MTF2: variants seen among roughly 807,000 people sequenced by gnomAD.
MTF2 encodes the protein metal response element binding transcription factor 2.
Under a neutral mutation model 79.5 loss-of-function variants are expected in MTF2, and 11 were observed. The observed-to-expected ratio is 0.14, with a 90% CI of 0.09 to 0.23. The LOEUF is 0.23. Among genes scored for constraint, MTF2 ranks in the 10% least tolerant of loss-of-function variants. MTF2 has a pLI of 1.00. For synonymous variants in MTF2, 208 were observed against 232.8 expected (o/e 0.89, Z 0.97); for missense variants, 486 against 711.2 (o/e 0.68, Z 3.60).
intron 1 of MTF2, among the ~76,000 whole-genome samples, chr1:93,100,817 G>A (rs1346676466): frequency 6.6e-6 from 1 of 152,184 alleles, no homozygotes; most frequent in Admixed American, 6.5e-5. Flanking sequence ...TTAATGCAGT[G>A]CCAAGCTTAA....
At chr1:93,122,330 T>C (rs1311087161) in intron 9 of MTF2, among the ~76,000 whole-genome samples, 2 of 152,194 alleles carry the variant, frequency 1.3e-5, no homozygotes, top group Non-Finnish European at 2.9e-5. Context: ...AGTAACTTGA[T>C]GTAGACATTG....
chr1:93,107,941 C>T (rs571133479), intron 1 of MTF2, among the ~76,000 whole-genome samples: 6 of 151,966 alleles, frequency 3.9e-5, no homozygotes, highest in South Asian at 2.1e-4. Flanking sequence ...CCACAATGCC[C>T]GGCTAATTTT....
chr1:93,129,629 T>A (rs1656839871), intron 11 of MTF2, among the ~76,000 whole-genome samples, 181 bp downstream of exon 11: 1 of 151,786 alleles, frequency 6.6e-6, no homozygotes, highest in African/African-American at 2.4e-5. Context: ...TGCCAGATGC[T>A]TGTTTATTTA....
chr1:93,121,179 A>G, intron 9 of MTF2: 1 of 984,296 alleles, frequency 1.0e-6, no homozygotes, highest in Non-Finnish European at 1.2e-6. Flanking sequence ...TCTCATTCTG[A>G]CATCTCATTT....
intron 1 of MTF2, among the ~76,000 whole-genome samples, chr1:93,096,839 C>G (rs1171258400): frequency 8.1e-6 from 1 of 123,268 alleles, no homozygotes; most frequent in African/African-American, 3.3e-5. Flanking sequence ...GAGACAGGGT[C>G]TAGTTCAGCT....
In MTF2 at chr1:93,134,100, G is replaced by A. The variant is rs1391744968; in HGVS notation, c.1329G>A (p.Glu443=). The A allele has an allele frequency of 6.2e-7, 1 of 1,610,352 alleles. No individual in the cohort carries two copies. Among genetic ancestry groups the A allele is most frequent in the Admixed American group, 1.7e-5 (1 of 59,460 alleles). ...AATTCTTTTGTCTCAGGAGAACTGA[G>A]GGAACTGCACATTCATCCAATACCT... ...LDLPCSIGRT[E]GTAHSSNTSD... Residue 443 remains glutamate (E), a synonymous_variant, in exon 14 of 15, where the codon GAG becomes GAA. Coordinates refer to ENST00000370298, the MANE Select transcript of MTF2 (RefSeq NM_007358.4).
intron 11 of MTF2, among the ~76,000 whole-genome samples, chr1:93,132,197 A>G (rs746716165): frequency 1.4e-4 from 21 of 152,248 alleles, no homozygotes; most frequent in Non-Finnish European, 2.6e-4. Flanking sequence ...AAATGTCATT[A>G]CAAAGCCTTG....
chr1:93,102,091 CAG>C (rs1655570463), intron 1 of MTF2, among the ~76,000 whole-genome samples: 1 of 152,126 alleles, frequency 6.6e-6, no homozygotes, highest in African/African-American at 2.4e-5. Context: ...AGCTACTGAC[CAG>C]AGTCAACTGA....
At chr1:93,118,985 T>C (rs1656361578) in intron 7 of MTF2, among the ~76,000 whole-genome samples, 1 of 152,234 alleles carries the variant, frequency 6.6e-6, no homozygotes, top group Admixed American at 6.5e-5. Context: ...TATTATGTTA[T>C]TTTGAGCGTT....
rs569111511 is a variant in MTF2, at chr1:93,129,558, A to C, written c.1160+110A>C. Reference sequence around the variant, plus strand: ...GAAAGTACAAGTGGCAGTTACTCTGATTTTTTTTTTTTTTTTTTTTGGTCT... The same window carrying C: ...GAAAGTACAAGTGGCAGTTACTCTGCTTTTTTTTTTTTTTTTTTTTGGTCT... On this transcript the variant is annotated intron_variant, in intron 11 of 14. Coordinates refer to ENST00000370298, the MANE Select transcript of MTF2 (RefSeq NM_007358.4). The C allele has an allele frequency of 8.9e-6, 4 of 448,072 alleles. No homozygotes were observed. In the East Asian group the frequency reaches 1.2e-4, roughly 14 times the overall value. 27.8% of individuals were successfully genotyped at this position (448,072 alleles called of 1,614,324 possible). A position where few individuals can be genotyped will look rare whatever the true frequency, so the allele number is the denominator to read the frequency against.
chr1:93,092,593 T>C (rs928467214), intron 1 of MTF2, among the ~76,000 whole-genome samples: 1 of 152,124 alleles, frequency 6.6e-6, no homozygotes, highest in African/African-American at 2.4e-5. Context: ...ATTTTATATA[T>C]TTTTTATAAT....
chr1:93,104,739 T>TA (rs1245777363), intron 1 of MTF2, among the ~76,000 whole-genome samples: 1 of 150,758 alleles, frequency 6.6e-6, no homozygotes, highest in East Asian at 2.0e-4. Flanking sequence ...ATTGGTTAGA[T>TA]AAAAAAATTA....
At position 93,103,990 on chromosome 1, in the gene MTF2, G is replaced by A. The variant is rs141401977; in HGVS notation, c.6-6240G>A. On this transcript the variant is annotated intron_variant, in intron 1 of 14. Coordinates refer to ENST00000370298, the MANE Select transcript of MTF2 (RefSeq NM_007358.4). Reference sequence around the variant, plus strand: ...TTTGTTACAGGTTGTCTAGGCTGGAGTGCAGTGGTGAAGTCATGGCTCACT... The same window carrying A: ...TTTGTTACAGGTTGTCTAGGCTGGAATGCAGTGGTGAAGTCATGGCTCACT... 3.8e-3 allele frequency among the ~76,000 whole-genome samples: 583 copies of A among 152,222 alleles called. 3 individuals carry two copies. The highest frequency in any genetic ancestry group is 6.7e-3 in the Non-Finnish European group (458 of 68,032).
At chr1:93,098,898 T>G (rs1655410889) in intron 1 of MTF2, among the ~76,000 whole-genome samples, 2 of 152,206 alleles carry the variant, frequency 1.3e-5, no homozygotes, top group African/African-American at 4.8e-5. Flanking sequence ...CTAGGGTATC[T>G]GCTGATTCTG....
intron 3 of MTF2, among the ~76,000 whole-genome samples, chr1:93,111,120 A>G (rs1030910674): frequency 6.6e-6 from 1 of 152,196 alleles, no homozygotes; most frequent in African/African-American, 2.4e-5. Context: ...TGTGCCAATA[A>G]AAATGAATGA....
chr1:93,086,331 C>T (rs559370070), intron 1 of MTF2, among the ~76,000 whole-genome samples: 2 of 152,112 alleles, frequency 1.3e-5, no homozygotes, highest in African/African-American at 4.8e-5. Context: ...TAGTGAAACC[C>T]TGTCTCTACT....
At chr1:93,079,664 C>T in intron 1 of MTF2, 133 bp downstream of exon 1, 1 of 1,164,568 alleles carries the variant, frequency 8.6e-7, no homozygotes, top group Non-Finnish European at 1.3e-6. Flanking sequence ...TATGTGGGTG[C>T]CTTTGCATTT....
Position 93,118,381 on chromosome 1 carries a change from G to A in MTF2, c.669G>A (p.Lys223=), listed in dbSNP as rs1465818356. 2 of 1,602,548 alleles carry A rather than the reference G, an allele frequency of 1.2e-6. No homozygotes were observed. Among genetic ancestry groups the A allele is most frequent in the Non-Finnish European group, 1.7e-6 (2 of 1,174,128 alleles). ...YLKMLQCCKC[K]QWFHEACVQC... is the part of the protein sequence containing the mutation. ...AGATGCTACAGTGCTGCAAATGTAA[G>A]CAGTGGTTTCATGAGGCTTGTGTGC... The change falls in exon 7 of 15, where the codon AAG becomes AAA. Residue 223 remains lysine (K), a synonymous_variant. Coordinates refer to ENST00000370298, the MANE Select transcript of MTF2 (RefSeq NM_007358.4).
chr1:93,096,547 G>C (rs747188298), intron 1 of MTF2, among the ~76,000 whole-genome samples: 1 of 150,736 alleles, frequency 6.6e-6, no homozygotes, highest in South Asian at 2.1e-4. Context: ...GTTAATTTCT[G>C]TTCTTTTATT....
Sources: gnomAD v4.1 joint callset for allele counts (sites outside exome capture counted in the v4.1 genomes callset) on GRCh38, gnomAD v4.1.1 for gene constraint, MANE v1.5 for transcripts, NCBI Gene and HGNC (gene_info 2026-07-23, HGNC 2026-07-21) for gene names.